KIF13B: variants seen among roughly 807,000 people sequenced by gnomAD.
KIF13B encodes kinesin-like protein KIF13B.
Under a neutral mutation model 222.0 loss-of-function variants are expected in KIF13B, and 127 were observed. The ratio of observed to expected loss-of-function variants is 0.57; its 90% CI spans 0.50 to 0.66. The LOEUF (loss-of-function observed/expected upper bound fraction) is 0.66, where lower values mean the gene tolerates loss of function less well. KIF13B is among the 30% of genes least tolerant of loss of function. The pLI, the probability that KIF13B is intolerant of heterozygous loss-of-function variation, is 0.00. For synonymous variants in KIF13B, 976 were observed against 919.0 expected (o/e 1.06, Z -1.12); for missense variants, 2,173 against 2,379.0 (o/e 0.91, Z 1.80).
In KIF13B at chr8:29,102,984, C is replaced by T. The variant is rs569080058; in HGVS notation, c.4216-3743G>A. ...TCGGCCAGGTGCGGTGGCTCACGCCCGTAATCCCAGCACTTTGGGAAGCCA... is the reference window on the plus strand; with the variant it reads ...TCGGCCAGGTGCGGTGGCTCACGCCTGTAATCCCAGCACTTTGGGAAGCCA... On this transcript the variant is annotated intron_variant, in intron 35 of 39. Transcript: ENST00000524189. Among the ~76,000 whole-genome samples, 64 of 152,116 alleles carry T rather than the reference C, an allele frequency of 4.2e-4. 1 individual carries two copies. In the Middle Eastern group the frequency reaches 0.01, roughly 24 times the overall value.
intron 2 of KIF13B, among the ~76,000 whole-genome samples, chr8:29,220,666 G>GAAA (rs1814701329): frequency 6.6e-6 from 1 of 152,072 alleles, no homozygotes; most frequent in East Asian, 1.9e-4. Context: ...AGCACTGACA[G>GAAA]AAAAAGATAC....
In KIF13B at chr8:29,142,272, T is replaced by C; in HGVS notation, c.2219A>G (p.Gln740Arg). The stretch of plus-strand genomic sequence containing the variant: ...CTTTCCTTTTCCTTTTCTTCTCACC[T>C]GGATTGCAGGCTCACTAAGAAGAGA... ...RGSLLSEPAI[Q>R]VRRKGKGKQI... is the part of the protein sequence containing the mutation. Residue 740 changes from glutamine to arginine, a missense_variant, in exon 19 of 40, where the codon CAG (glutamine) becomes CGG (arginine). Coordinates refer to ENST00000524189, the MANE Select transcript of KIF13B (RefSeq NM_015254.4). 1 of 1,613,574 alleles carries C rather than the reference T, an allele frequency of 6.2e-7. No individual in the cohort carries two copies. Among genetic ancestry groups the C allele is most frequent in the Non-Finnish European group, 8.5e-7 (1 of 1,179,676 alleles).
intron 2 of KIF13B, among the ~76,000 whole-genome samples, chr8:29,224,254 C>T (rs1380764570): frequency 6.6e-6 from 1 of 152,122 alleles, no homozygotes; most frequent in Non-Finnish European, 1.5e-5. Context: ...CCACCTGCCT[C>T]GGCCTCCCAA....
At chr8:29,205,962 G>A (rs1563787718) in intron 2 of KIF13B, among the ~76,000 whole-genome samples, 2 of 151,298 alleles carry the variant, frequency 1.3e-5, no homozygotes, top group Non-Finnish European at 2.9e-5. Flanking sequence ...ATAGTGGCAT[G>A]CACTTGTGGT....
intron 36 of KIF13B, among the ~76,000 whole-genome samples, chr8:29,097,773 T>C (rs1483662936): frequency 6.6e-6 from 1 of 152,126 alleles, no homozygotes; most frequent in East Asian, 1.9e-4. Context: ...GAGATTAATA[T>C]ATATGATAAA....
Position 29,093,598 on chromosome 8 carries a change from T to C in KIF13B, c.4325-720A>G, listed in dbSNP as rs373527203. Among the ~76,000 whole-genome samples, 7 of 152,276 alleles carry C rather than the reference T, an allele frequency of 4.6e-5. No homozygotes were observed. The South Asian group carries it at 6.2e-4, about 14-fold the overall frequency. On this transcript the variant is annotated intron_variant, in intron 36 of 39. Transcript: ENST00000524189. ...AAGCAAGTCACCTTAAGGAATACATTTGCCTCAACAGATGCACACAACTCC... is the reference window on the plus strand; with the variant it reads ...AAGCAAGTCACCTTAAGGAATACATCTGCCTCAACAGATGCACACAACTCC...
chr8:29,112,112 A>G (rs953192890), intron 32 of KIF13B, among the ~76,000 whole-genome samples: 5 of 152,262 alleles, frequency 3.3e-5, no homozygotes, highest in Non-Finnish European at 7.3e-5. Context: ...AACACAAGAT[A>G]TCTAAAAGAA....
chr8:29,095,426 A>T (rs1344266150), intron 36 of KIF13B, among the ~76,000 whole-genome samples: 1 of 152,250 alleles, frequency 6.6e-6, no homozygotes, highest in East Asian at 1.9e-4. Flanking sequence ...TGAAATAAAG[A>T]TACTTTCAAA....
rs181355662 is a variant in KIF13B, at chr8:29,127,155, C to A, written c.3189G>T (p.Pro1063=). 7 of 1,613,712 alleles carry A rather than the reference C, an allele frequency of 4.3e-6. No homozygotes were observed. Among genetic ancestry groups the A allele is most frequent in the African/African-American group, 1.3e-5 (1 of 74,910 alleles). The change falls in exon 25 of 40, where the codon CCG becomes CCT. Residue 1063 remains proline (P), a synonymous_variant. Transcript: ENST00000524189. The part of the protein sequence containing the change: ...SVGIGCVKVR[P]LRAPRTHETF... ...TCTCATGTGTTCTGGGGGCTCTGAG[C>A]GGTCTAACTTTGACACATCCAATGC...
In KIF13B at chr8:29,071,502, C is replaced by A; in HGVS notation, c.5218+118G>T. 2.2e-6 allele frequency: 2 copies of A among 906,776 alleles called. No individual in the cohort carries two copies. Among genetic ancestry groups the A allele is most frequent in the Non-Finnish European group, 3.4e-6 (2 of 594,614 alleles). 56.2% of individuals were successfully genotyped at this position (906,776 alleles called of 1,614,324 possible). A position where few individuals can be genotyped will look rare whatever the true frequency, so the allele number is the denominator to read the frequency against. ...AGCCGCTCCCGCAGCTTCAGCCAAG[C>A]CGCTGCCTCCCGGCCCCTCCCTCTC... On this transcript the variant is annotated intron_variant, in intron 39 of 39. Transcript: ENST00000524189. The surrounding 1 kb of genome is among the most constrained non-coding windows in gnomAD (Gnocchi z 4.9).
At chr8:29,111,958 A>C (rs193063038) in intron 32 of KIF13B, among the ~76,000 whole-genome samples, 1 of 152,384 alleles carries the variant, frequency 6.6e-6, no homozygotes, top group African/African-American at 2.4e-5. Context: ...CTAACTCTGC[A>C]AACAGGCTTA....
intron 21 of KIF13B, 76 bp downstream of exon 21, chr8:29,139,987 T>C: frequency 7.5e-7 from 1 of 1,327,006 alleles, no homozygotes; most frequent in Non-Finnish European, 1.0e-6. Flanking sequence ...AATTGTGATT[T>C]TTGCCATTAA....
chr8:29,260,837 C>A (rs562937984), intron 1 of KIF13B, among the ~76,000 whole-genome samples: 1 of 152,176 alleles, frequency 6.6e-6, no homozygotes, highest in East Asian at 1.9e-4. Context: ...AGGCTGGTCT[C>A]GAACTCCTGA....
At chr8:29,157,162 A>G (rs1256374847) in intron 13 of KIF13B, among the ~76,000 whole-genome samples, 1 of 151,660 alleles carries the variant, frequency 6.6e-6, no homozygotes, top group Non-Finnish European at 1.5e-5. Flanking sequence ...AGCCTCCAGG[A>G]TCTCTTGCCT....
chr8:29,228,398 C>T lies in KIF13B; in HGVS notation c.149+16948G>A, dbSNP rs1029294683. Among the ~76,000 whole-genome samples the T allele has an allele frequency of 2.0e-5, 3 of 149,198 alleles. No homozygotes were observed. In the South Asian group the frequency reaches 6.3e-4, roughly 31 times the overall value. On this transcript the variant is annotated intron_variant, in intron 2 of 39. Coordinates refer to ENST00000524189, the MANE Select transcript of KIF13B (RefSeq NM_015254.4). ...AAGAGAATAGCGTGAACCCAGGATG[C>T]GGAGCTTCCAGTGAGCCAAGATCGC... is the stretch of plus-strand genomic sequence containing the variant.
intron 6 of KIF13B, among the ~76,000 whole-genome samples, chr8:29,184,181 TA>T (rs1684762820): frequency 1.3e-5 from 2 of 152,060 alleles, no homozygotes; most frequent in South Asian, 4.1e-4. Flanking sequence ...TAAAACAACA[TA>T]ATTACATTAC....
intron 2 of KIF13B, among the ~76,000 whole-genome samples, chr8:29,217,330 C>T (rs1431728028): frequency 6.6e-6 from 1 of 150,742 alleles, no homozygotes; most frequent in African/African-American, 2.4e-5. Flanking sequence ...CAGAGGAAAA[C>T]ACAGTGGCGA....
chr8:29,099,293 C>CAAAAA, intron 35 of KIF13B, 52 bp from the exon 36 acceptor site: 1 of 1,245,552 alleles, frequency 8.0e-7, no homozygotes, highest in South Asian at 1.4e-5. Flanking sequence ...ATTAACCAAA[C>CAAAAA]AAAAAAAAAT....
At chr8:29,098,418 C>T (rs145681904) in intron 36 of KIF13B, among the ~76,000 whole-genome samples, 121 of 151,434 alleles carry the variant, frequency 8.0e-4, no homozygotes, top group African/African-American at 2.7e-3. Context: ...GCCTGGCCAA[C>T]GTGGTGAAAC....
Sources: gnomAD v4.1 joint callset for allele counts (sites outside exome capture counted in the v4.1 genomes callset) on GRCh38, gnomAD v4.1.1 for gene constraint, Gnocchi (gnomAD v3.1) non-coding constraint, MANE v1.5 for transcripts, NCBI Gene and HGNC (gene_info 2026-07-23, HGNC 2026-07-21) for gene names.